The following LNX1 variants were observed in gnomAD, a reference collection of about 807,000 sequenced individuals.
The protein encoded by LNX1 is ligand of numb-protein X 1, also known as E3 ubiquitin-protein ligase LNX.
A neutral mutation model predicts 68.4 loss-of-function variants in LNX1; 54 were observed. The ratio of observed to expected loss-of-function variants is 0.79; its 90% confidence interval spans 0.63 to 0.99. The LOEUF is 0.99. LNX1 is among the 50% of genes least tolerant of loss of function. LNX1 has a pLI of 0.00. For synonymous variants in LNX1, 336 were observed against 350.0 expected (o/e 0.96, Z 0.45); for missense variants, 906 against 926.4 (o/e 0.98, Z 0.29).
intron 9 of LNX1, among the ~76,000 whole-genome samples, chr4:53,469,018 CTAAA>C (rs2150566101): frequency 6.6e-6 from 1 of 152,334 alleles, no homozygotes; most frequent in African/African-American, 2.4e-5. Flanking sequence ...ACTCTCCACC[CTAAA>C]TCAACAGAAT....
At chr4:53,508,728 A>T (rs1726105489) in intron 2 of LNX1, among the ~76,000 whole-genome samples, 1 of 152,200 alleles carries the variant, frequency 6.6e-6, no homozygotes, top group Non-Finnish European at 1.5e-5. Flanking sequence ...AAGCCACAGG[A>T]GTGAGTTCAG....
intron 1 of LNX1, among the ~76,000 whole-genome samples, chr4:53,577,080 G>T (rs1288057737): frequency 1.3e-5 from 2 of 152,358 alleles, no homozygotes; most frequent in Non-Finnish European, 2.9e-5. Flanking sequence ...GGGTAAAGTT[G>T]TTTCAAGGAA....
intron 6 of LNX1, among the ~76,000 whole-genome samples, chr4:53,486,743 C>T (rs1381411735): frequency 6.6e-6 from 1 of 152,188 alleles, no homozygotes; most frequent in East Asian, 1.9e-4. Flanking sequence ...GACTGGCTTT[C>T]TGTCGTTTTG....
intron 2 of LNX1, among the ~76,000 whole-genome samples, chr4:53,551,007 G>A (rs972657856): frequency 6.6e-6 from 1 of 152,194 alleles, no homozygotes; most frequent in Non-Finnish European, 1.5e-5. Context: ...GAATGTTCTT[G>A]TTGCATGAAG....
chr4:53,510,235 T>C (rs1726229206), intron 2 of LNX1, among the ~76,000 whole-genome samples: 1 of 152,246 alleles, frequency 6.6e-6, no homozygotes, highest in South Asian at 2.1e-4. Flanking sequence ...CACAAGAGTC[T>C]AGTTCACCAA....
At chr4:53,585,151 C>T (rs1316861928) in intron 1 of LNX1, among the ~76,000 whole-genome samples, 1 of 152,160 alleles carries the variant, frequency 6.6e-6, no homozygotes, top group Non-Finnish European at 1.5e-5. Context: ...ACTTCCTTAA[C>T]CAGGATACTA....
intron 1 of LNX1, chr4:53,576,434 T>A: frequency 7.0e-7 from 1 of 1,437,412 alleles, no homozygotes. Context: ...GACAGGCACC[T>A]CAGATGGTGC....
chr4:53,471,417 G>A (rs1468001258), intron 9 of LNX1, among the ~76,000 whole-genome samples: 4 of 152,102 alleles, frequency 2.6e-5, no homozygotes, highest in Admixed American at 2.0e-4. Context: ...TTACCATTCA[G>A]GACATAGGCA....
rs1197189586 is a variant in LNX1 at position 53,521,387 on chromosome 4, C to T, written c.381-13160G>A. Among the ~76,000 whole-genome samples the T allele has an allele frequency of 5.3e-5, 8 of 152,302 alleles. No individual in the cohort carries two copies. In the South Asian group the frequency reaches 1.7e-3, roughly 32 times the overall value. ...TCCTCAAAGTGCATTCCATCGCATTCTCAGAATAACCAAGATATCTCCGAG... is the reference window on the plus strand; with the variant it reads ...TCCTCAAAGTGCATTCCATCGCATTTTCAGAATAACCAAGATATCTCCGAG... On this transcript the variant is annotated intron_variant, in intron 2 of 10. Coordinates refer to ENST00000263925, the MANE Select transcript of LNX1 (RefSeq NM_001126328.3).
intron 2 of LNX1, among the ~76,000 whole-genome samples, chr4:53,560,300 G>A (rs1431276813): frequency 6.6e-6 from 1 of 152,168 alleles, no homozygotes; most frequent in Non-Finnish European, 1.5e-5. Flanking sequence ...AAAAAAGGAT[G>A]ACTGCCCATT....
At chr4:53,534,473 A>C (rs1436170092) in intron 2 of LNX1, among the ~76,000 whole-genome samples, 1 of 152,074 alleles carries the variant, frequency 6.6e-6, no homozygotes, top group African/African-American at 2.4e-5. Context: ...CTTGTCTCTA[A>C]AAAGAAAAAA....
intron 2 of LNX1, among the ~76,000 whole-genome samples, chr4:53,551,716 A>T (rs968683411): frequency 6.6e-6 from 1 of 152,108 alleles, no homozygotes; most frequent in African/African-American, 2.4e-5. Flanking sequence ...GCTGATCTCA[A>T]GTCACCCGCT....
chr4:53,639,869 T>C (rs1734612761), intron 1 of LNX1, among the ~76,000 whole-genome samples: 1 of 152,014 alleles, frequency 6.6e-6, no homozygotes, highest in South Asian at 2.1e-4. Flanking sequence ...CTGTCTCTAC[T>C]AAAAATAAAA....
intron 2 of LNX1, among the ~76,000 whole-genome samples, chr4:53,532,699 AG>A (rs1380449591): frequency 6.6e-6 from 1 of 152,234 alleles, no homozygotes; most frequent in Non-Finnish European, 1.5e-5. Context: ...CAGACTAAAC[AG>A]AATTCCTGAG....
At chr4:53,540,639 G>A (rs776926389) in intron 2 of LNX1, among the ~76,000 whole-genome samples, 7 of 151,816 alleles carry the variant, frequency 4.6e-5, no homozygotes, top group African/African-American at 1.5e-4. Context: ...CCGAGATTGC[G>A]CCACTGCACT....
intron 1 of LNX1, 137 bp downstream of exon 1, chr4:53,591,251 A>C: frequency 9.3e-6 from 3 of 321,508 alleles, no homozygotes; most frequent in Non-Finnish European, 1.3e-5. Context: ...TTCTGTCTCA[A>C]AAAAGCTTCT....
intron 9 of LNX1, among the ~76,000 whole-genome samples, chr4:53,473,516 C>T (rs1001884127): frequency 6.6e-6 from 1 of 152,146 alleles, no homozygotes; most frequent in East Asian, 1.9e-4. Flanking sequence ...ACGGATGGAT[C>T]TGGAGGACAT....
chr4:53,616,541 T>G (rs1162816103), exon 2 of LNX1: 1 of 152,198 alleles, frequency 6.6e-6, no homozygotes, highest in African/African-American at 2.4e-5. Context: ...TTGTGTCCCC[T>G]TGTTCTCTCA....
At chr4:53,463,611 G>GCACT (rs1271595978) in intron 9 of LNX1, among the ~76,000 whole-genome samples, 2 of 147,486 alleles carry the variant, frequency 1.4e-5, no homozygotes, top group Non-Finnish European at 3.0e-5. Context: ...TTCCTATTCT[G>GCACT]CACTCATTCT....
Sources: gnomAD v4.1 joint callset for allele counts (sites outside exome capture counted in the v4.1 genomes callset) on GRCh38, gnomAD v4.1.1 for gene constraint, MANE v1.5 for transcripts, NCBI Gene and HGNC (gene_info 2026-07-23, HGNC 2026-07-21) for gene names.